Variants in SHANK1 observed in about 807,000 individuals in gnomAD.
SHANK1 encodes SH3 and multiple ankyrin repeat domains 1, also known as SH3 and multiple ankyrin repeat domains protein 1.
A neutral mutation model predicts 165.6 loss-of-function variants in SHANK1; 35 were observed. The ratio of observed to expected loss-of-function variants is 0.21; its 90% confidence interval spans 0.16 to 0.28. The LOEUF is 0.28. Ranked by LOEUF, SHANK1 falls within the 10% of genes least tolerant of loss-of-function variation. The probability of loss-of-function intolerance (pLI) is 1.00; values close to 1 mark genes in which losing one functional copy is unlikely to be tolerated. For missense variants in SHANK1, 2,681 were observed against 3,036.4 expected (o/e 0.88, Z 2.75); for synonymous variants, 1,428 against 1,384.8 (o/e 1.03, Z -0.69).
At position 50,717,319 on chromosome 19, in the gene SHANK1, C is replaced by T. The variant is rs1285968506; in HGVS notation, c.-43-357G>A. On this transcript the variant is annotated intron_variant, in intron 1 of 23. Coordinates refer to ENST00000293441, the MANE Select transcript of SHANK1 (RefSeq NM_016148.5). The surrounding 1 kb of genome is among the most constrained non-coding windows in gnomAD (Gnocchi z 5.5). ...CCACTTTGCCAGGCCACAGAAAATGCAGCTAAAATTAGCTAAGGACAGACA... is the reference window on the plus strand; with the variant it reads ...CCACTTTGCCAGGCCACAGAAAATGTAGCTAAAATTAGCTAAGGACAGACA... 6.6e-6 allele frequency among the ~76,000 whole-genome samples: 1 copy of T among 152,250 alleles called. No individual in the cohort carries two copies. Among genetic ancestry groups the T allele is most frequent in the Non-Finnish European group, 1.5e-5 (1 of 68,040 alleles).
In SHANK1 at chr19:50,662,364, G is replaced by A. The variant is rs536260628; in HGVS notation, c.6087C>T (p.Tyr2029=). 42 of 1,591,070 alleles carry A rather than the reference G, an allele frequency of 2.6e-5. No homozygotes were observed. The highest frequency in any genetic ancestry group is 5.7e-5 in the South Asian group (5 of 88,218). The change falls in exon 24 of 24, where the codon TAC becomes TAT. Residue 2029 remains tyrosine (Y), a synonymous_variant. Coordinates refer to ENST00000293441, the MANE Select transcript of SHANK1 (RefSeq NM_016148.5). This position sits in a 1 kb window ranked among gnomAD's most constrained non-coding sequence, Gnocchi z 7.7. ...SLPILPSGPL[Y]PGLFDIRGSP... ...AGCCACGGATGTCAAAGAGGCCTGGGTAGAGGGGTCCGGAAGGCAGGATGG... is the reference window on the plus strand; with the variant it reads ...AGCCACGGATGTCAAAGAGGCCTGGATAGAGGGGTCCGGAAGGCAGGATGG...
In SHANK1 at chr19:50,664,126, T is replaced by C. The variant is rs73932550; in HGVS notation, c.5769-1444A>G. Among the ~76,000 whole-genome samples the C allele has an allele frequency of 6.5e-5, 9 of 139,382 alleles. No homozygotes were observed. In the East Asian group the frequency reaches 9.7e-4, roughly 15 times the overall value. The allele number at this position is 139,382 out of a possible 152,430, so 91.4% of individuals were successfully genotyped here. On this transcript the variant is annotated intron_variant, in intron 23 of 23. Transcript: ENST00000293441. Reference sequence around the variant, plus strand: ...AGCCTCCTTTTTCTTTTCTTTCTTTTTTTTTTTTTTTCAACCTGGGAGCAT... The same window carrying C: ...AGCCTCCTTTTTCTTTTCTTTCTTTCTTTTTTTTTTTCAACCTGGGAGCAT...
At position 50,668,555 on chromosome 19, in the gene SHANK1, CG is replaced by C; in HGVS notation, c.3404del (p.Pro1135ArgfsTer208). 1 of 1,365,444 alleles carries C rather than the reference CG, an allele frequency of 7.3e-7. No individual in the cohort carries two copies. The highest frequency in any genetic ancestry group is 9.4e-7 in the Non-Finnish European group (1 of 1,058,642). The allele number at this position is 1,365,444 out of a possible 1,614,324, so 84.6% of individuals were successfully genotyped here. ...GLPPAPSPTSPASPQPPPAVA... is the reference protein window; with the variant it reads ...GLPPAPSPTSXASPQPPPAVA... The stretch of plus-strand genomic sequence containing the variant: ...CGGCGGGCGGCGGCTGCGGGGAGGC[CG>C]GGGACGTGGGCGACGGCGCGGGCGG... On this transcript the variant is annotated frameshift_variant, in exon 23 of 24. Coordinates refer to ENST00000293441, the MANE Select transcript of SHANK1 (RefSeq NM_016148.5). LOFTEE classifies it high-confidence loss of function.
In SHANK1 at chr19:50,680,671, C is replaced by CTTTT. The variant is rs764565419; in HGVS notation, c.2577+5565_2577+5566insAAAA. 8.1e-3 allele frequency among the ~76,000 whole-genome samples: 1,176 copies of CTTTT among 144,502 alleles called. 11 individuals carry two copies. Among genetic ancestry groups the CTTTT allele is most frequent in the Middle Eastern group, 0.028 (8 of 282 alleles). 94.8% of individuals were successfully genotyped at this position (144,502 alleles called of 152,430 possible). A position where few individuals can be genotyped will look rare whatever the true frequency, so the allele number is the denominator to read the frequency against. On this transcript the variant is annotated intron_variant, in intron 21 of 23. Transcript: ENST00000293441. ...ATAGTGGCATCTTTTTTTTTTTTTC[C>CTTTT]CCGAGACAGAATCGCACCCTGTCAC...
In SHANK1 at chr19:50,715,683, C is replaced by A. The variant is rs778310899; in HGVS notation, c.507G>T (p.Lys169Asn). The A allele has an allele frequency of 6.2e-7, 1 of 1,614,044 alleles. No individual in the cohort carries two copies. The change falls in exon 4 of 24, where the codon AAG becomes AAT. Residue 169 changes from lysine to asparagine, a missense_variant. Lys to Asn is a moderately conservative substitution (Grantham distance 94). Transcript: ENST00000293441. ...CCTTCGTGTGCAACTTGGCCAGCTG[C>A]TTCTCATCCAGGTTGGTCTGTTTGT... ...RVYKQTNLDE[K>N]QLAKLHTKTG...
rs1163660366 is a variant in SHANK1 at position 50,704,224 on chromosome 19, C to T, written c.1156-38G>A. On this transcript the variant is annotated intron_variant, in intron 9 of 23. Transcript: ENST00000293441. ...GGTAGAGGCAGGTCGGCCAGGGGGG[C>T]CCAGGCAGCAGAGAGAGGGCAGGGA... is the stretch of plus-strand genomic sequence containing the variant. 2.6e-5 allele frequency: 41 copies of T among 1,599,554 alleles called. No individual in the cohort carries two copies. The East Asian group carries it at 8.9e-4, about 35-fold the overall frequency.
At chr19:50,698,666 C>T (rs746255431) in intron 12 of SHANK1, among the ~76,000 whole-genome samples, 1 of 152,200 alleles carries the variant, frequency 6.6e-6, no homozygotes, top group Non-Finnish European at 1.5e-5. Context: ...GGGCCACTTT[C>T]ATTATCCCCC....
In SHANK1 at chr19:50,660,486, G is replaced by A. The variant is rs1325953702; in HGVS notation, c.*1479C>T. Among the ~76,000 whole-genome samples, 1 of 151,982 alleles carries A rather than the reference G, an allele frequency of 6.6e-6. No individual in the cohort carries two copies. The highest frequency in any genetic ancestry group is 2.1e-4 in the South Asian group (1 of 4,820). On this transcript the variant is annotated 3_prime_UTR_variant, in exon 24 of 24. Coordinates refer to ENST00000293441, the MANE Select transcript of SHANK1 (RefSeq NM_016148.5). ...AGAGCTTAAGGAGGTAAGAGAATCC[G>A]AATGAGAATGGCCGCAAGAGCTGCT...
chr19:50,669,028 T>C lies in SHANK1; in HGVS notation c.2932A>G (p.Thr978Ala), dbSNP rs1184902144. The change falls in exon 23 of 24, where the codon ACT (threonine) becomes GCT (alanine). Residue 978 changes from threonine to alanine, a missense_variant. This residue lies in a region of SHANK1 where 1,713 missense variants were observed against 1,630.2 expected (regional missense o/e 1.05). Transcript: ENST00000293441. ...CTCTTCTCGCGGCTCCCCACGCGAG[T>C]GTCGGGAGGGGAGGGCCCGTCAAAG... ...ASFDGPSPPD[T>A]RVGSREKSLY... The C allele has an allele frequency of 2.6e-6, 2 of 780,792 alleles. No individual in the cohort carries two copies. Among genetic ancestry groups the C allele is most frequent in the Non-Finnish European group, 3.8e-6 (2 of 530,394 alleles). 48.4% of individuals were successfully genotyped at this position (780,792 alleles called of 1,614,324 possible). A position where few individuals can be genotyped will look rare whatever the true frequency, so the allele number is the denominator to read the frequency against.
chr19:50,680,591 A>G (rs73598622), intron 21 of SHANK1, among the ~76,000 whole-genome samples: 9,760 of 151,720 alleles, frequency 0.064, 1,037 homozygotes, highest in African/African-American at 0.22. Flanking sequence ...TCTAGGTTAT[A>G]TGCAAAAGTG....
At chr19:50,701,107 T>A (rs536989213) in intron 12 of SHANK1, among the ~76,000 whole-genome samples, 123 of 152,050 alleles carry the variant, frequency 8.1e-4, no homozygotes, top group Middle Eastern at 3.4e-3. Flanking sequence ...GTTGACCTTC[T>A]ATGGTAGGAT....
rs142402078 is a variant in SHANK1, at chr19:50,692,456, G to GATATATATATATATAT, written c.1965-3193_1965-3178dup. On this transcript the variant is annotated intron_variant, in intron 15 of 23. Transcript: ENST00000293441. ...TCAAAGCCAAGATTTGAATTCACCA[G>GATATATATATATATAT]ATATATATATATATATACACACACA... 4.0e-3 allele frequency among the ~76,000 whole-genome samples: 516 copies of GATATATATATATATAT among 128,572 alleles called. 1 individual carries two copies. Among genetic ancestry groups the GATATATATATATATAT allele is most frequent in the Non-Finnish European group, 4.8e-3 (286 of 59,898 alleles). The allele number at this position is 128,572 out of a possible 152,430, so 84.3% of individuals were successfully genotyped here.
chr19:50,681,870 C>T (rs542898757), intron 21 of SHANK1, among the ~76,000 whole-genome samples: 10 of 152,128 alleles, frequency 6.6e-5, no homozygotes, highest in African/African-American at 2.4e-4. Context: ...CTCCCTTGCT[C>T]GAGTGATCCT....
rs951836293 is a variant in SHANK1, at chr19:50,688,758, C to T, written c.2172+86G>A. 7.0e-7 allele frequency: 1 copy of T among 1,419,654 alleles called. No individual in the cohort carries two copies. The highest frequency in any genetic ancestry group is 9.6e-7 in the Non-Finnish European group (1 of 1,046,804). The allele number at this position is 1,419,654 out of a possible 1,614,324, so 87.9% of individuals were successfully genotyped here. ...ATCCTGGTGCCAAAGGAGAATAAAA[C>T]TGGGCAGCCAGATCCTGGTGTGAAT... On this transcript the variant is annotated intron_variant, in intron 17 of 23. Coordinates refer to ENST00000293441, the MANE Select transcript of SHANK1 (RefSeq NM_016148.5). The surrounding 1 kb of genome is among the most constrained non-coding windows in gnomAD (Gnocchi z 6.7).
rs746142104 is a variant in SHANK1 at position 50,703,604 on chromosome 19, G to A, written c.1449C>T (p.Ser483=). The A allele has an allele frequency of 1.0e-4, 162 of 1,557,746 alleles. No individual in the cohort carries two copies. The highest frequency in any genetic ancestry group is 1.3e-4 in the Non-Finnish European group (147 of 1,154,332). The change falls in exon 11 of 24, where the codon AGC becomes AGT. Residue 483 remains serine, a synonymous_variant. Coordinates refer to ENST00000293441, the MANE Select transcript of SHANK1 (RefSeq NM_016148.5). The part of the protein sequence containing the change: ...QPSAPTTKLS[S]GTLRSASSPR... ...GGCTGCTGGCACTTCGGAGGGTCCC[G>A]CTGCTGAGCTTGGTGGTGGGGGCCG...
Position 50,660,034 on chromosome 19 carries a change from C to T in SHANK1, c.*1931G>A, listed in dbSNP as rs1239191363. 6.7e-6 allele frequency among the ~76,000 whole-genome samples: 1 copy of T among 149,774 alleles called. No homozygotes were observed. The highest frequency in any genetic ancestry group is 1.5e-5 in the Non-Finnish European group (1 of 67,214). ...GCCCCCTCCCCTCATGGACGGAGCG[C>T]CCCCCCCTCTCGGGGGTAGGGGGCA... On this transcript the variant is annotated 3_prime_UTR_variant, in exon 24 of 24. Transcript: ENST00000293441.
Position 50,662,468 on chromosome 19 carries a change from G to A in SHANK1, c.5983C>T (p.Leu1995Phe), listed in dbSNP as rs751255916. The change falls in exon 24 of 24, where the codon CTC (leucine) becomes TTC (phenylalanine). Residue 1995 changes from leucine to phenylalanine, a missense_variant. By Grantham distance (22) the Leu-to-Phe change is conservative. This residue lies in a region of SHANK1 where 1,713 missense variants were observed against 1,630.2 expected (regional missense o/e 1.05). Coordinates refer to ENST00000293441, the MANE Select transcript of SHANK1 (RefSeq NM_016148.5). The surrounding 1 kb of genome is among the most constrained non-coding windows in gnomAD (Gnocchi z 7.7). ...AGCGAGGGGCTGGGGGCCCGGCGGA[G>A]CAGAGGGGGCCGCATCTCGAACTCC... ...GVEFEMRPPL[L>F]RRAPSPSLLP... 1.3e-6 allele frequency: 2 copies of A among 1,551,774 alleles called. No individual in the cohort carries two copies. The highest frequency in any genetic ancestry group is 1.2e-5 in the South Asian group (1 of 82,274).
Position 50,716,079 on chromosome 19 carries a change from C to G in SHANK1, c.459+196G>C, listed in dbSNP as rs11882350. On this transcript the variant is annotated intron_variant, in intron 3 of 23. Transcript: ENST00000293441. The surrounding 1 kb of genome is among the most constrained non-coding windows in gnomAD (Gnocchi z 8.4). ...CAGGAAAGTGACTTGGCCAAGGCCA[C>G]TTAGCTGGTCAGAAGCAGAACAGAT... Among the ~76,000 whole-genome samples the G allele has an allele frequency of 0.058, 8,849 of 152,256 alleles. 847 individuals are homozygous for G. Among genetic ancestry groups the G allele is most frequent in the African/African-American group, 0.2 (8,332 of 41,508 alleles).
chr19:50,711,211 T>TGGAC (rs1024851939), intron 8 of SHANK1, 160 bp downstream of exon 8: 8 of 600,746 alleles, frequency 1.3e-5, no homozygotes, highest in African/African-American at 1.3e-4. Flanking sequence ...GATGGATGGA[T>TGGAC]GGATGGAGGA....
Sources: allele counts gnomAD v4.1 joint callset (sites outside exome capture counted in the v4.1 genomes callset), GRCh38; gene constraint gnomAD v4.1.1; regional missense constraint gnomAD v4.1.1; non-coding constraint Gnocchi (gnomAD v3.1); transcripts MANE v1.5; gene names NCBI Gene and HGNC (gene_info 2026-07-23, HGNC 2026-07-21).